Variants in PLEKHO2 observed in about 807,000 individuals in gnomAD.
PLEKHO2 encodes the protein pleckstrin homology domain containing O2, also known as pleckstrin homology domain-containing family O member 2.
In PLEKHO2, 20 loss-of-function variants were observed where a neutral mutation model predicts 32.7. The observed-to-expected ratio is 0.61, with a 90% confidence interval of 0.43 to 0.89. The LOEUF (loss-of-function observed/expected upper bound fraction) is 0.89. Ranked by LOEUF, PLEKHO2 falls within the 40% of genes least tolerant of loss-of-function variation. The pLI is 0.00. For missense variants in PLEKHO2, 568 were observed against 621.2 expected (o/e 0.91, Z 0.91); for synonymous variants, 247 against 246.3 (o/e 1.00, Z -0.03).
chr15:64,842,382 CTCTCTCTCTG>C lies in PLEKHO2; in HGVS notation c.12+356_12+365del, dbSNP rs1475855572. Reference sequence around the variant, plus strand: ...TACCGTGGTCGGATCCTGACTCTCTCTCTCTCTCTGTGTGTGTGTGTGTGTGTGTGTGTGT... The same window carrying C: ...TACCGTGGTCGGATCCTGACTCTCTCTGTGTGTGTGTGTGTGTGTGTGTGT... On this transcript the variant is annotated intron_variant, in intron 1 of 5. Coordinates refer to ENST00000323544, the MANE Select transcript of PLEKHO2 (RefSeq NM_025201.5). 8.9e-3 allele frequency among the ~76,000 whole-genome samples: 407 copies of C among 45,574 alleles called. 6 individuals are homozygous for C. Among genetic ancestry groups the C allele is most frequent in the African/African-American group, 0.016 (361 of 22,178 alleles). The allele number at this position is 45,574 out of a possible 152,430, so 29.9% of individuals were successfully genotyped here. A position where few individuals can be genotyped will look rare whatever the true frequency, so the allele number is the denominator to read the frequency against.
At chr15:64,848,501 C>T in intron 1 of PLEKHO2, 92 bp from the exon 2 acceptor site, 1 of 1,463,276 alleles carries the variant, frequency 6.8e-7, no homozygotes, top group South Asian at 1.2e-5. Flanking sequence ...AGGTACTTAG[C>T]CTAGGGACAC....
intron 2 of PLEKHO2, among the ~76,000 whole-genome samples, chr15:64,854,665 C>G (rs987401557): frequency 6.6e-6 from 1 of 152,246 alleles, no homozygotes; most frequent in Non-Finnish European, 1.5e-5. Context: ...CCTCCTCTGG[C>G]CTTAGGCACA....
chr15:64,864,822 G>A, intron 5 of PLEKHO2, 77 bp from the exon 6 acceptor site: 1 of 1,488,228 alleles, frequency 6.7e-7, no homozygotes. Flanking sequence ...GAGAGGGTAA[G>A]AACTCGTGTC....
chr15:64,862,883 C>A (rs1260961759), intron 5 of PLEKHO2, among the ~76,000 whole-genome samples: 4 of 151,378 alleles, frequency 2.6e-5, no homozygotes, highest in African/African-American at 9.7e-5. Flanking sequence ...CCCATTAACT[C>A]GTCATTTAGC....
chr15:64,844,218 G>A (rs1478317411), intron 1 of PLEKHO2, among the ~76,000 whole-genome samples: 3 of 152,134 alleles, frequency 2.0e-5, no homozygotes, highest in African/African-American at 4.8e-5. Context: ...CCCTGTGCCC[G>A]GCCACCCTGG....
chr15:64,862,542 T>A (rs928040388), intron 5 of PLEKHO2, among the ~76,000 whole-genome samples: 1 of 152,024 alleles, frequency 6.6e-6, no homozygotes, highest in African/African-American at 2.4e-5. Flanking sequence ...GAGCTAATGC[T>A]GCAGGGGAGG....
Position 64,865,666 on chromosome 15 carries a change from G to C in PLEKHO2, c.1251G>C (p.Lys417Asn). 6.2e-7 allele frequency: 1 copy of C among 1,614,236 alleles called. No homozygotes were observed. Among genetic ancestry groups the C allele is most frequent in the South Asian group, 1.1e-5 (1 of 91,086 alleles). The change falls in exon 6 of 6, where the codon AAG becomes AAC. Residue 417 changes from lysine to asparagine, a missense_variant. Physicochemically the swap from Lys to Asn is moderately conservative, Grantham distance 94. Coordinates refer to ENST00000323544, the MANE Select transcript of PLEKHO2 (RefSeq NM_025201.5). ...ERLYRAQLEV[K>N]VASEQTEKLL... ...TATATCGGGCCCAGCTGGAGGTGAA[G>C]GTGGCCTCGGAACAGACGGAGAAAC...
rs2084682275 is a variant in PLEKHO2, at chr15:64,865,863, C to T, written c.1448C>T (p.Thr483Ile). 6.2e-7 allele frequency: 1 copy of T among 1,608,254 alleles called. No homozygotes were observed. The highest frequency in any genetic ancestry group is 8.5e-7 in the Non-Finnish European group (1 of 1,179,858). ...AGGGAGAAGCGGAAGGAGCTGGTGA[C>T]CCTCTACAGGAGAAGTGCACCCTAG... ...GLREKRKELV[T>I]LYRRSAP Residue 483 changes from threonine to isoleucine, a missense_variant, in exon 6 of 6, where the codon ACC becomes ATC. Coordinates refer to ENST00000323544, the MANE Select transcript of PLEKHO2 (RefSeq NM_025201.5).
chr15:64,863,738 C>T (rs931392963), intron 5 of PLEKHO2, among the ~76,000 whole-genome samples: 11 of 120,084 alleles, frequency 9.2e-5, no homozygotes, highest in East Asian at 6.0e-4. Context: ...GGTGACAGTG[C>T]GAGACCCCCT....
At chr15:64,858,420 C>T (rs889082406) in intron 3 of PLEKHO2, among the ~76,000 whole-genome samples, 10 of 152,116 alleles carry the variant, frequency 6.6e-5, no homozygotes, top group South Asian at 6.2e-4. Flanking sequence ...GGCAAGCTGG[C>T]GACCGCCAAC....
chr15:64,844,005 C>T (rs2084505226), intron 1 of PLEKHO2, among the ~76,000 whole-genome samples: 1 of 152,224 alleles, frequency 6.6e-6, no homozygotes, highest in Non-Finnish European at 1.5e-5. Context: ...CCTTTCCCTA[C>T]TCCCCTTTGG....
At chr15:64,842,066 C>A (rs2084487980) in intron 1 of PLEKHO2, 38 bp downstream of exon 1, 1 of 1,233,338 alleles carries the variant, frequency 8.1e-7, no homozygotes. Context: ...GGCTGGGGTC[C>A]TCGAGCCCCT....
rs540564455 is a variant in PLEKHO2 at position 64,855,916 on chromosome 15, G to A, written c.279+879G>A. ...TTCTGTTTCTCCCCCAGCTTTAGGG[G>A]ATAGGAGCCCAGTCCTCTGCAGACC... On this transcript the variant is annotated intron_variant, in intron 3 of 5. Coordinates refer to ENST00000323544, the MANE Select transcript of PLEKHO2 (RefSeq NM_025201.5). 2.6e-5 allele frequency among the ~76,000 whole-genome samples: 4 copies of A among 152,254 alleles called. No homozygotes were observed. In the South Asian group the frequency reaches 8.3e-4, roughly 32 times the overall value.
chr15:64,841,951 G>C lies in PLEKHO2; in HGVS notation c.-66G>C. 1 of 1,239,560 alleles carries C rather than the reference G, an allele frequency of 8.1e-7. No individual in the cohort carries two copies. The highest frequency in any genetic ancestry group is 3.6e-5 in the South Asian group (1 of 28,068). The allele number at this position is 1,239,560 out of a possible 1,614,324, so 76.8% of individuals were successfully genotyped here. Reference sequence around the variant, plus strand: ...AGTCGCCGCCTGGCCGGGCGTAGACGCGGTGGCAGAGCCCGCGCGGCGCTG... The same window carrying C: ...AGTCGCCGCCTGGCCGGGCGTAGACCCGGTGGCAGAGCCCGCGCGGCGCTG... On this transcript the variant is annotated 5_prime_UTR_variant, in exon 1 of 6. Coordinates refer to ENST00000323544, the MANE Select transcript of PLEKHO2 (RefSeq NM_025201.5).
intron 3 of PLEKHO2, among the ~76,000 whole-genome samples, chr15:64,856,393 T>G (rs1289939059): frequency 6.6e-6 from 1 of 152,030 alleles, no homozygotes; most frequent in Non-Finnish European, 1.5e-5. Flanking sequence ...TGGGTGTGTG[T>G]CTTAGTATGC....
intron 3 of PLEKHO2, among the ~76,000 whole-genome samples, chr15:64,858,311 T>C (rs1222801219): frequency 6.6e-6 from 1 of 152,090 alleles, no homozygotes; most frequent in Non-Finnish European, 1.5e-5. Context: ...AGGAGGAAAT[T>C]ATATAATGAG....
At chr15:64,842,681 G>A (rs931867216) in intron 1 of PLEKHO2, among the ~76,000 whole-genome samples, 4 of 152,120 alleles carry the variant, frequency 2.6e-5, no homozygotes, top group African/African-American at 9.7e-5. Flanking sequence ...CGGGAGTCCG[G>A]CCCACCTAGG....
At chr15:64,851,904 G>A (rs535462904) in intron 2 of PLEKHO2, among the ~76,000 whole-genome samples, 5 of 152,210 alleles carry the variant, frequency 3.3e-5, no homozygotes, top group East Asian at 1.9e-4. Flanking sequence ...ATTCTTCCCC[G>A]GGCAGTTTCC....
chr15:64,852,909 A>T (rs573668985), intron 2 of PLEKHO2, among the ~76,000 whole-genome samples: 3 of 151,792 alleles, frequency 2.0e-5, no homozygotes, highest in East Asian at 3.9e-4. Flanking sequence ...ACTCTTTGGG[A>T]GGCTGAGGCA....
Sources: allele counts gnomAD v4.1 joint callset (sites outside exome capture counted in the v4.1 genomes callset), GRCh38; gene constraint gnomAD v4.1.1; transcripts MANE v1.5; gene names NCBI Gene and HGNC (gene_info 2026-07-23, HGNC 2026-07-21).